The following NEDD4L variants were observed in gnomAD, a reference collection of about 807,000 sequenced individuals.
NEDD4L encodes NEDD4 like E3 ubiquitin protein ligase, also known as E3 ubiquitin-protein ligase NEDD4-like.
A neutral mutation model predicts 148.9 loss-of-function variants in NEDD4L; 54 were observed. The ratio of observed to expected loss-of-function variants is 0.36; its 90% CI spans 0.29 to 0.45. The LOEUF is 0.45. NEDD4L is among the 20% of genes least tolerant of loss of function. NEDD4L has a pLI of 1.00. For missense variants in NEDD4L, 856 were observed against 1,233.8 expected (o/e 0.69, Z 4.59); for synonymous variants, 433 against 440.7 (o/e 0.98, Z 0.22).
At chr18:58,088,704 C>CT (rs35314135) in intron 1 of NEDD4L, among the ~76,000 whole-genome samples, 6 of 151,480 alleles carry the variant, frequency 4.0e-5, no homozygotes, top group Non-Finnish European at 8.8e-5. Context: ...ATTTAGAGAA[C>CT]TTTTTTTTTG....
Position 58,256,773 on chromosome 18 carries a change from C to T in NEDD4L, c.297+4719C>T, listed in dbSNP as rs1252412098. On this transcript the variant is annotated intron_variant, in intron 5 of 30. Transcript: ENST00000400345. This position sits in a 1 kb window ranked among gnomAD's most constrained non-coding sequence, Gnocchi z 5.2. ...CCTGTTTCCACGGGAGCTGACACCA[C>T]GGTAAGTTCACAGCGTGTTTACATG... is the stretch of plus-strand genomic sequence containing the variant. The T allele has an allele frequency of 1.6e-6, 2 of 1,231,804 alleles. No individual in the cohort carries two copies. The highest frequency in any genetic ancestry group is 1.6e-5 in the African/African-American group (1 of 64,434). The allele number at this position is 1,231,804 out of a possible 1,614,324, so 76.3% of individuals were successfully genotyped here. A position where few individuals can be genotyped will look rare whatever the true frequency, so the allele number is the denominator to read the frequency against.
intron 1 of NEDD4L, among the ~76,000 whole-genome samples, 153 bp downstream of exon 1, chr18:58,044,861 A>T (rs2144330303): frequency 6.6e-6 from 1 of 152,082 alleles, no homozygotes; most frequent in Middle Eastern, 3.4e-3. Context: ...GATCCAGGGG[A>T]GCTTGGGTCC....
chr18:58,153,070 G>A (rs554482668), intron 1 of NEDD4L, among the ~76,000 whole-genome samples: 1 of 152,192 alleles, frequency 6.6e-6, no homozygotes, highest in Non-Finnish European at 1.5e-5. Context: ...TGGCTTTGAT[G>A]TTCAGACACC....
intron 28 of NEDD4L, chr18:58,390,056 C>G (rs2049603299): frequency 6.6e-6 from 1 of 152,204 alleles, no homozygotes; most frequent in Non-Finnish European, 1.5e-5. Context: ...AAAGCCTAGT[C>G]CAGGTCTCAC....
intron 5 of NEDD4L, among the ~76,000 whole-genome samples, chr18:58,255,039 C>T (rs2048345800): frequency 6.6e-6 from 1 of 152,122 alleles, no homozygotes; most frequent in South Asian, 2.1e-4. Context: ...GTGGCCAAGC[C>T]ATATTTTACT....
chr18:58,191,491 C>G (rs1018295558), intron 2 of NEDD4L, among the ~76,000 whole-genome samples: 2 of 152,152 alleles, frequency 1.3e-5, no homozygotes, highest in East Asian at 3.8e-4. Flanking sequence ...TTGGGTTTTG[C>G]AGGTAAGTTC....
At chr18:58,289,472 C>T (rs1333772297) in intron 5 of NEDD4L, among the ~76,000 whole-genome samples, 1 of 152,194 alleles carries the variant, frequency 6.6e-6, no homozygotes, top group Non-Finnish European at 1.5e-5. Context: ...CTTTTTAATA[C>T]GTTTACTACA....
chr18:58,396,520 C>A lies in NEDD4L; in HGVS notation c.*251C>A, dbSNP rs571505280. ...AATTACATTTCAGGAGGACTTAATGCTATTTATGTTGTGCCTCTGCAGGCA... is the reference window on the plus strand; with the variant it reads ...AATTACATTTCAGGAGGACTTAATGATATTTATGTTGTGCCTCTGCAGGCA... On this transcript the variant is annotated 3_prime_UTR_variant, in exon 31 of 31. Coordinates refer to ENST00000400345, the MANE Select transcript of NEDD4L (RefSeq NM_001144967.3). 5.8e-6 allele frequency: 2 copies of A among 342,428 alleles called. No individual in the cohort carries two copies. Among genetic ancestry groups the A allele is most frequent in the South Asian group, 4.6e-5 (1 of 21,786 alleles). 21.2% of individuals were successfully genotyped at this position (342,428 alleles called of 1,614,324 possible).
intron 1 of NEDD4L, among the ~76,000 whole-genome samples, chr18:58,063,138 G>A (rs12456838): frequency 6.8e-6 from 1 of 147,764 alleles, no homozygotes; most frequent in Non-Finnish European, 1.5e-5. Context: ...CTTGACCTCC[G>A]AAGTCCACAC....
chr18:58,143,970 G>C (rs1228036959), intron 1 of NEDD4L, among the ~76,000 whole-genome samples: 2 of 152,118 alleles, frequency 1.3e-5, no homozygotes, highest in Non-Finnish European at 2.9e-5. Flanking sequence ...TTTCTGTTTT[G>C]ATAGAAACAG....
At chr18:58,228,352 A>G (rs1230619187) in intron 2 of NEDD4L, among the ~76,000 whole-genome samples, 2 of 152,230 alleles carry the variant, frequency 1.3e-5, no homozygotes, top group African/African-American at 4.8e-5. Context: ...CGTTACGTGC[A>G]TGCCAGGTGG....
In NEDD4L at chr18:58,228,272, A is replaced by T. The variant is rs1193582387; in HGVS notation, c.123-17155A>T. On this transcript the variant is annotated intron_variant, in intron 2 of 30. Coordinates refer to ENST00000400345, the MANE Select transcript of NEDD4L (RefSeq NM_001144967.3). ...ATAAGTAAACAACTGCGCTACTGAT[A>T]GGCTTCTGCCAACAGGAGTGGAGCT... Among the ~76,000 whole-genome samples, 5 of 143,644 alleles carry T rather than the reference A, an allele frequency of 3.5e-5. No individual in the cohort carries two copies. In the East Asian group the frequency reaches 1.1e-3, roughly 32 times the overall value. The allele number at this position is 143,644 out of a possible 152,430, so 94.2% of individuals were successfully genotyped here.
chr18:58,140,674 G>T (rs953978718), intron 1 of NEDD4L, among the ~76,000 whole-genome samples: 2 of 152,212 alleles, frequency 1.3e-5, no homozygotes, highest in Admixed American at 6.5e-5. Flanking sequence ...TTTCCATAAC[G>T]TGGTGTATTT....
intron 18 of NEDD4L, among the ~76,000 whole-genome samples, chr18:58,356,442 A>G (rs993584699): frequency 1.3e-5 from 2 of 152,132 alleles, no homozygotes; most frequent in African/African-American, 2.4e-5. Context: ...GGAATCCGTA[A>G]GGTCTTTTTA....
At chr18:58,275,238 A>G (rs952712560) in intron 5 of NEDD4L, among the ~76,000 whole-genome samples, 10 of 152,338 alleles carry the variant, frequency 6.6e-5, no homozygotes, top group African/African-American at 2.4e-4. Flanking sequence ...TATATTTGCT[A>G]TTTATTAAGT....
chr18:58,058,505 C>T (rs935067063), intron 1 of NEDD4L, among the ~76,000 whole-genome samples: 2 of 152,186 alleles, frequency 1.3e-5, no homozygotes, highest in African/African-American at 2.4e-5. Context: ...TTTCTTGTAG[C>T]GCATCTTCTC....
intron 1 of NEDD4L, among the ~76,000 whole-genome samples, chr18:58,082,264 C>T (rs1417984873): frequency 5.4e-5 from 8 of 148,472 alleles, no homozygotes; most frequent in South Asian, 4.3e-4. Flanking sequence ...CCTGCCACAA[C>T]GCCCGGCTAA....
intron 24 of NEDD4L, among the ~76,000 whole-genome samples, chr18:58,379,805 A>G (rs941335925): frequency 1.3e-5 from 2 of 152,100 alleles, no homozygotes; most frequent in Admixed American, 6.5e-5. Context: ...CCTGTAACGA[A>G]TCCTAGAGGG....
chr18:58,181,079 C>G (rs930396244), intron 2 of NEDD4L, among the ~76,000 whole-genome samples: 1 of 152,180 alleles, frequency 6.6e-6, no homozygotes, highest in African/African-American at 2.4e-5. Context: ...AAGCCATTCT[C>G]GAATAGTGAC....
Sources: allele counts gnomAD v4.1 joint callset (sites outside exome capture counted in the v4.1 genomes callset), GRCh38; gene constraint gnomAD v4.1.1; non-coding constraint Gnocchi (gnomAD v3.1); transcripts MANE v1.5; gene names NCBI Gene and HGNC (gene_info 2026-07-23, HGNC 2026-07-21).